The following GADL1 variants were observed in gnomAD, a reference collection of about 807,000 sequenced individuals.
The protein encoded by GADL1 is acidic amino acid decarboxylase GADL1.
Under a neutral mutation model 69.5 loss-of-function variants are expected in GADL1, and 71 were observed. That is an observed-to-expected ratio of 1.02 (90% CI 0.84 to 1.25). The LOEUF (loss-of-function observed/expected upper bound fraction) is 1.25, where lower values mean the gene tolerates loss of function less well. GADL1 is among the 50% of genes most tolerant of loss of function. GADL1 has a pLI of 0.00. For missense variants in GADL1, 737 were observed against 631.8 expected, an observed-to-expected ratio of 1.17 and a Z score of -1.79; for synonymous variants, 254 against 214.4, an observed-to-expected ratio of 1.18 and a Z score of -1.62.
rs1695393191 is a variant in GADL1 at position 30,727,882 on chromosome 3, C to T, written c.*360G>A. On this transcript the variant is annotated 3_prime_UTR_variant, in exon 15 of 15. Transcript: ENST00000282538. Reference sequence around the variant, plus strand: ...TGCTTTGATGCTGATAGTCCAGGGACCACACTTTGAGAACCACTGCTTTAA... The same window carrying T: ...TGCTTTGATGCTGATAGTCCAGGGATCACACTTTGAGAACCACTGCTTTAA... 6.3e-6 allele frequency: 1 copy of T among 158,758 alleles called. No homozygotes were observed. The highest frequency in any genetic ancestry group is 6.3e-5 in the Admixed American group (1 of 15,966). 9.8% of individuals were successfully genotyped at this position (158,758 alleles called of 1,614,324 possible).
chr3:30,880,468 T>C (rs1036115918), intron 1 of GADL1, among the ~76,000 whole-genome samples: 1 of 151,884 alleles, frequency 6.6e-6, no homozygotes, highest in Non-Finnish European at 1.5e-5. Flanking sequence ...CTGATGGTTT[T>C]TATAAAGGAC....
At chr3:30,757,426 G>A (rs1696001450) in intron 14 of GADL1, among the ~76,000 whole-genome samples, 1 of 152,076 alleles carries the variant, frequency 6.6e-6, no homozygotes, top group African/African-American at 2.4e-5. Flanking sequence ...CAATTCGCAT[G>A]GAAAGTGAAA....
intron 14 of GADL1, among the ~76,000 whole-genome samples, chr3:30,771,096 T>C (rs906832533): frequency 5.3e-5 from 8 of 152,238 alleles, no homozygotes; most frequent in Admixed American, 5.2e-4. Context: ...TTGGTTGGAA[T>C]TGTATAAATC....
At position 30,831,664 on chromosome 3, in the gene GADL1, G is replaced by A. The variant is rs142807692; in HGVS notation, c.1050+2189C>T. On this transcript the variant is annotated intron_variant, in intron 11 of 14. Transcript: ENST00000282538. Reference sequence around the variant, plus strand: ...TAACAACCCGTATATCATGTCTGATGCAACTGCATTCAAGGTAGAAAAATG... The same window carrying A: ...TAACAACCCGTATATCATGTCTGATACAACTGCATTCAAGGTAGAAAAATG... Among the ~76,000 whole-genome samples, 972 of 151,998 alleles carry A rather than the reference G, an allele frequency of 6.4e-3. 12 individuals are homozygous for A. Among genetic ancestry groups the A allele is most frequent in the African/African-American group, 0.022 (917 of 41,492 alleles).
intron 4 of GADL1, among the ~76,000 whole-genome samples, chr3:30,853,390 A>T (rs1698179640): frequency 6.6e-6 from 1 of 152,178 alleles, no homozygotes; most frequent in South Asian, 2.1e-4. Flanking sequence ...GTGGTGAATC[A>T]CTGACATAGG....
chr3:30,784,371 A>G (rs1024649060), intron 13 of GADL1, among the ~76,000 whole-genome samples: 5 of 148,230 alleles, frequency 3.4e-5, no homozygotes, highest in African/African-American at 1.3e-4. Context: ...TCCTCACATC[A>G]CCGGCCTGTT....
chr3:30,790,711 T>C (rs1322864472), intron 12 of GADL1, among the ~76,000 whole-genome samples: 2 of 152,142 alleles, frequency 1.3e-5, no homozygotes, highest in African/African-American at 4.8e-5. Context: ...AAAAAAGTTA[T>C]CAATATCAAG....
chr3:30,762,771 G>A (rs896490306), intron 14 of GADL1, among the ~76,000 whole-genome samples: 2 of 152,014 alleles, frequency 1.3e-5, no homozygotes, highest in African/African-American at 4.8e-5. Flanking sequence ...CCCACTCTCT[G>A]GTAACTATCT....
At chr3:30,754,460 G>A (rs552780955) in intron 14 of GADL1, among the ~76,000 whole-genome samples, 209 of 151,618 alleles carry the variant, frequency 1.4e-3, no homozygotes, top group African/African-American at 4.6e-3. Flanking sequence ...AAGCCTCATA[G>A]GAATGCCAAT....
intron 14 of GADL1, among the ~76,000 whole-genome samples, chr3:30,732,631 C>A (rs966953542): frequency 4.6e-5 from 7 of 152,018 alleles, no homozygotes; most frequent in Non-Finnish European, 8.8e-5. Context: ...CAGGGCAATT[C>A]GATAAAAAGC....
intron 12 of GADL1, among the ~76,000 whole-genome samples, chr3:30,797,058 T>C (rs1169572071): frequency 6.6e-6 from 1 of 152,166 alleles, no homozygotes; most frequent in Non-Finnish European, 1.5e-5. Context: ...AAAGGAGTAT[T>C]ATAACGCAAT....
intron 14 of GADL1, among the ~76,000 whole-genome samples, chr3:30,773,684 C>A (rs1264476191): frequency 6.6e-6 from 1 of 152,084 alleles, no homozygotes; most frequent in African/African-American, 2.4e-5. Context: ...AAAATTTAGC[C>A]AGCTCTTTAT....
At chr3:30,810,952 G>A (rs1697341067) in intron 11 of GADL1, among the ~76,000 whole-genome samples, 2 of 152,276 alleles carry the variant, frequency 1.3e-5, no homozygotes, top group South Asian at 2.1e-4. Flanking sequence ...GCTATGAACT[G>A]CTAAGAGCTC....
intron 11 of GADL1, among the ~76,000 whole-genome samples, chr3:30,812,344 A>G (rs1697373279): frequency 6.6e-6 from 1 of 152,222 alleles, no homozygotes; most frequent in Non-Finnish European, 1.5e-5. Context: ...GATATACCAG[A>G]GACTGGGCAA....
At chr3:30,801,549 C>T (rs1697165710) in intron 11 of GADL1, among the ~76,000 whole-genome samples, 1 of 152,120 alleles carries the variant, frequency 6.6e-6, no homozygotes, top group Admixed American at 6.5e-5. Context: ...CCCAACATAA[C>T]TCAGGGATAA....
chr3:30,740,044 C>T (rs200345157), intron 14 of GADL1, among the ~76,000 whole-genome samples: 4 of 152,254 alleles, frequency 2.6e-5, no homozygotes, highest in South Asian at 2.1e-4. Flanking sequence ...ACTCTTTCCT[C>T]TAAATCATGA....
intron 1 of GADL1, among the ~76,000 whole-genome samples, chr3:30,882,471 G>A (rs1698656267): frequency 1.3e-5 from 2 of 151,900 alleles, no homozygotes; most frequent in Non-Finnish European, 2.9e-5. Context: ...TGCATAATGT[G>A]ATGAAGGTTT....
intron 8 of GADL1, among the ~76,000 whole-genome samples, chr3:30,840,520 A>C (rs1456359567): frequency 6.6e-6 from 1 of 152,190 alleles, no homozygotes; most frequent in East Asian, 1.9e-4. Flanking sequence ...TGGCTTTATC[A>C]TACCAGTGAC....
At chr3:30,779,108 C>A (rs1327544454) in intron 13 of GADL1, 1 of 152,182 alleles carries the variant, frequency 6.6e-6, no homozygotes, top group African/African-American at 2.4e-5. Context: ...TTGTAACAGG[C>A]TTTAGCCCAG....
Sources: allele counts gnomAD v4.1 joint callset (sites outside exome capture counted in the v4.1 genomes callset), GRCh38; gene constraint gnomAD v4.1.1; transcripts MANE v1.5; gene names NCBI Gene and HGNC (gene_info 2026-07-23, HGNC 2026-07-21).